FAM210A: variants seen among roughly 807,000 people sequenced by gnomAD.
FAM210A encodes the protein mitochondrial inner membrane scaffold 1.
In FAM210A, 13 loss-of-function variants were observed where a neutral mutation model predicts 25.3. That is an observed-to-expected ratio of 0.51 (90% CI 0.33 to 0.82). The LOEUF is 0.82. Among genes scored for constraint, FAM210A ranks in the 40% least tolerant of loss-of-function variants. The pLI is 0.02. For missense variants in FAM210A, 319 were observed against 323.2 expected (o/e 0.99, Z 0.10); for synonymous variants, 125 against 118.7 (o/e 1.05, Z -0.35).
At chr18:13,708,435 T>A (rs1194538706) in intron 1 of FAM210A, among the ~76,000 whole-genome samples, 2 of 152,176 alleles carry the variant, frequency 1.3e-5, no homozygotes, top group African/African-American at 4.8e-5. Context: ...GATGGTGGGG[T>A]GAGTCTCAAA....
intron 1 of FAM210A, among the ~76,000 whole-genome samples, chr18:13,694,877 TA>T (rs2043679230): frequency 6.6e-6 from 1 of 152,052 alleles, no homozygotes; most frequent in South Asian, 2.1e-4. Flanking sequence ...GGGATCTAAT[TA>T]AACTAAAGAG....
intron 2 of FAM210A, among the ~76,000 whole-genome samples, chr18:13,679,147 G>A (rs1206335769): frequency 4.6e-5 from 7 of 152,302 alleles, no homozygotes; most frequent in South Asian, 2.1e-4. Context: ...TTTGCTCTAC[G>A]ATGCCTAGAA....
At chr18:13,701,982 T>C (rs982593274) in intron 1 of FAM210A, among the ~76,000 whole-genome samples, 18 of 152,238 alleles carry the variant, frequency 1.2e-4, no homozygotes, top group African/African-American at 4.1e-4. Flanking sequence ...GCCAGTTCGA[T>C]AATTTGGCGC....
intron 3 of FAM210A, among the ~76,000 whole-genome samples, chr18:13,668,962 C>CA (rs1262291018): frequency 1.3e-5 from 2 of 152,178 alleles, no homozygotes; most frequent in African/African-American, 4.8e-5. Context: ...TGTCCTACTT[C>CA]AAACCTGCTT....
chr18:13,720,140 G>A (rs933106596), intron 1 of FAM210A, among the ~76,000 whole-genome samples: 1 of 152,178 alleles, frequency 6.6e-6, no homozygotes, highest in South Asian at 2.1e-4. Context: ...TCTTAAAAGA[G>A]CAGTTACCTG....
Position 13,665,485 on chromosome 18 carries a change from C to T in FAM210A, c.*995G>A, listed in dbSNP as rs1224366626. On this transcript the variant is annotated 3_prime_UTR_variant, in exon 4 of 4. Coordinates refer to ENST00000651643, the MANE Select transcript of FAM210A (RefSeq NM_152352.4). ...AGCAGCCACAATTTAAAACTTTACT[C>T]CATAATGAAATCAGCATGAATTCTG... is the stretch of plus-strand genomic sequence containing the variant. 2.6e-5 allele frequency: 4 copies of T among 150,976 alleles called. No homozygotes were observed. Among genetic ancestry groups the T allele is most frequent in the African/African-American group, 7.3e-5 (3 of 41,124 alleles). 9.4% of individuals were successfully genotyped at this position (150,976 alleles called of 1,614,324 possible).
intron 1 of FAM210A, among the ~76,000 whole-genome samples, chr18:13,708,813 G>C (rs555083998): frequency 2.0e-4 from 30 of 151,676 alleles, no homozygotes; most frequent in African/African-American, 5.8e-4. Flanking sequence ...CTAGCGCCTT[G>C]CCTGACCCTG....
intron 1 of FAM210A, among the ~76,000 whole-genome samples, chr18:13,692,570 C>T (rs1434476452): frequency 6.6e-6 from 1 of 152,054 alleles, no homozygotes; most frequent in African/African-American, 2.4e-5. Flanking sequence ...GACCACAGTG[C>T]AATCAAACTA....
At chr18:13,685,447 G>A (rs1016113660) in intron 1 of FAM210A, among the ~76,000 whole-genome samples, 1 of 152,176 alleles carries the variant, frequency 6.6e-6, no homozygotes. Flanking sequence ...GCCATCTATT[G>A]TCTCTAAGGA....
chr18:13,674,990 A>C (rs1399156335), intron 2 of FAM210A, among the ~76,000 whole-genome samples: 1 of 116,152 alleles, frequency 8.6e-6, no homozygotes, highest in Non-Finnish European at 1.8e-5. Flanking sequence ...TGGCTTCTTT[A>C]TTTCCTGTTT....
At chr18:13,673,700 C>T (rs1181081597) in intron 2 of FAM210A, among the ~76,000 whole-genome samples, 1 of 145,274 alleles carries the variant, frequency 6.9e-6, no homozygotes, top group East Asian at 2.1e-4. Context: ...GACTTATTTC[C>T]AGTTTCCTGA....
At chr18:13,720,294 G>A (rs1284198) in intron 1 of FAM210A, among the ~76,000 whole-genome samples, 130,515 of 152,128 alleles carry the variant, frequency 0.86, 56,075 homozygotes, top group East Asian at 0.95. Flanking sequence ...TGGCCTGAGT[G>A]GCAGAGCAGT....
chr18:13,717,837 G>C (rs897879558), intron 1 of FAM210A, among the ~76,000 whole-genome samples: 8 of 152,170 alleles, frequency 5.3e-5, no homozygotes, highest in Admixed American at 4.6e-4. Context: ...AAGATGGAAA[G>C]GACTTCATCT....
Position 13,666,528 on chromosome 18 carries a change from C to T in FAM210A, c.771G>A (p.Lys257=), listed in dbSNP as rs761744797. The T allele has an allele frequency of 2.5e-6, 4 of 1,613,968 alleles. No homozygotes were observed. In the South Asian group the frequency reaches 4.4e-5, roughly 18 times the overall value. ...MEETKDRLTE[K]LQETKEKVSF... is the part of the protein sequence containing the mutation. ...AAACTTTTTCTTTGGTTTCTTGTAACTTTTCAGTGAGTCTATCTTTTGTTT... is the reference window on the plus strand; with the variant it reads ...AAACTTTTTCTTTGGTTTCTTGTAATTTTTCAGTGAGTCTATCTTTTGTTT... Residue 257 remains lysine (K), a synonymous_variant, in exon 4 of 4, where the codon AAG becomes AAA. Transcript: ENST00000651643.
intron 1 of FAM210A, chr18:13,715,079 T>C (rs1429875868): frequency 1.3e-5 from 2 of 152,192 alleles, no homozygotes; most frequent in East Asian, 3.9e-4. Context: ...TATACATAAA[T>C]ATTTATTTAT....
intron 1 of FAM210A, among the ~76,000 whole-genome samples, chr18:13,694,414 T>C (rs1334804524): frequency 6.6e-6 from 1 of 152,118 alleles, no homozygotes; most frequent in Non-Finnish European, 1.5e-5. Flanking sequence ...GCTAAGACAA[T>C]CCTAAGCCAA....
At chr18:13,672,856 A>G (rs546984351) in intron 2 of FAM210A, among the ~76,000 whole-genome samples, 1 of 152,386 alleles carries the variant, frequency 6.6e-6, no homozygotes, top group African/African-American at 2.4e-5. Context: ...TATTCTATTA[A>G]AAGACTTAAG....
intron 1 of FAM210A, among the ~76,000 whole-genome samples, chr18:13,723,178 T>G (rs2043910744): frequency 6.6e-6 from 1 of 152,192 alleles, no homozygotes; most frequent in African/African-American, 2.4e-5. Context: ...GGACTATCAG[T>G]GCCCTCTTTT....
rs373851278 is a variant in FAM210A at position 13,675,529 on chromosome 18, C to A, written c.474-3556G>T. Among the ~76,000 whole-genome samples the A allele has an allele frequency of 7.0e-4, 69 of 98,498 alleles. 1 individual carries two copies. Among genetic ancestry groups the A allele is most frequent in the Non-Finnish European group, 8.6e-4 (41 of 47,820 alleles). 64.6% of individuals were successfully genotyped at this position (98,498 alleles called of 152,430 possible). ...TATTAACATTCCTGAGCCCTGGCCT[C>A]TTTATTTCCAGTTTCCTGATTATTA... On this transcript the variant is annotated intron_variant, in intron 2 of 3. Transcript: ENST00000651643.
Sources: allele counts gnomAD v4.1 joint callset (sites outside exome capture counted in the v4.1 genomes callset), GRCh38; gene constraint gnomAD v4.1.1; transcripts MANE v1.5; gene names NCBI Gene and HGNC (gene_info 2026-07-23, HGNC 2026-07-21).